The following PTPRD variants were observed in gnomAD, a reference collection of about 807,000 sequenced individuals.
PTPRD encodes the protein receptor-type tyrosine-protein phosphatase delta.
PTPRD carries 34 observed loss-of-function variants against 214.5 expected under a neutral mutation model. That is an observed-to-expected ratio of 0.16 (90% CI 0.12 to 0.21). The LOEUF (loss-of-function observed/expected upper bound fraction) is 0.21. Ranked by LOEUF, PTPRD falls within the 10% of genes least tolerant of loss-of-function variation. The pLI, the probability that PTPRD is intolerant of heterozygous loss-of-function variation, is 1.00. For synonymous variants in PTPRD, 1,128 were observed against 845.7 expected, an observed-to-expected ratio of 1.33 and a Z score of -5.79; for missense variants, 2,545 against 2,398.7, an observed-to-expected ratio of 1.06 and a Z score of -1.27.
intron 2 of PTPRD, among the ~76,000 whole-genome samples, chr9:10,389,111 C>A (rs2097995853): frequency 6.6e-6 from 1 of 151,788 alleles, no homozygotes. Flanking sequence ...AAAATTGCTC[C>A]TGTTATGTAA....
chr9:9,716,936 C>T (rs1016129758), intron 7 of PTPRD, among the ~76,000 whole-genome samples: 4 of 152,108 alleles, frequency 2.6e-5, no homozygotes, highest in African/African-American at 9.7e-5. Context: ...ATGCCTATGT[C>T]CTGAATGGTA....
At chr9:9,257,418 A>G (rs183696566) in intron 9 of PTPRD, among the ~76,000 whole-genome samples, 29 of 152,122 alleles carry the variant, frequency 1.9e-4, no homozygotes, top group Non-Finnish European at 2.5e-4. Flanking sequence ...GCTCTTAGTC[A>G]TCAAACTCAA....
At chr9:10,322,559 C>T (rs1366400602) in intron 3 of PTPRD, among the ~76,000 whole-genome samples, 1 of 151,980 alleles carries the variant, frequency 6.6e-6, no homozygotes, top group African/African-American at 2.4e-5. Context: ...CAATTTTCTC[C>T]CTCAAACCTT....
chr9:8,822,669 C>T (rs1424651787), intron 11 of PTPRD, among the ~76,000 whole-genome samples: 3 of 152,134 alleles, frequency 2.0e-5, no homozygotes, highest in Non-Finnish European at 4.4e-5. Flanking sequence ...CATTATACCT[C>T]ACAGCCTTCG....
At position 9,333,504 on chromosome 9, in the gene PTPRD, T is replaced by TTATATA. The variant is rs3048057; in HGVS notation, c.-203+63939_-203+63944dup. On this transcript the variant is annotated intron_variant, in intron 9 of 45. Transcript: ENST00000381196. ...TAAAACATATATATTATATAGTATA[T>TTATATA]TATATATATATATATATATATAAAG... Among the ~76,000 whole-genome samples, 200 of 137,232 alleles carry TTATATA rather than the reference T, an allele frequency of 1.5e-3. 1 individual carries two copies. The highest frequency in any genetic ancestry group is 0.011 in the Middle Eastern group (3 of 270). 90.0% of individuals were successfully genotyped at this position (137,232 alleles called of 152,430 possible).
At position 10,435,255 on chromosome 9, in the gene PTPRD, C is replaced by A. The variant is rs573721080; in HGVS notation, c.-599-94238G>T. ...TGCTAACAGTGCAAATGAACAGGAT[C>A]CAGCAGGAAATCCATATCTTCCAGA... On this transcript the variant is annotated intron_variant, in intron 2 of 45. Coordinates refer to ENST00000381196, the MANE Select transcript of PTPRD (RefSeq NM_002839.4). 3.3e-5 allele frequency among the ~76,000 whole-genome samples: 5 copies of A among 151,836 alleles called. No homozygotes were observed. The Admixed American group carries it at 3.3e-4, about 10-fold the overall frequency.
intron 7 of PTPRD, among the ~76,000 whole-genome samples, chr9:9,670,739 C>T (rs1013747087): frequency 2.6e-5 from 4 of 152,168 alleles, no homozygotes; most frequent in African/African-American, 9.6e-5. Flanking sequence ...CAAGCCTTGA[C>T]AGCTTCCACA....
intron 9 of PTPRD, among the ~76,000 whole-genome samples, chr9:9,240,488 T>G (rs2099969806): frequency 6.6e-6 from 1 of 152,100 alleles, no homozygotes; most frequent in South Asian, 2.1e-4. Flanking sequence ...CTGGCCAGCA[T>G]GGTGAAGCCC....
At chr9:10,432,290 G>A (rs2098687570) in intron 2 of PTPRD, among the ~76,000 whole-genome samples, 1 of 110,254 alleles carries the variant, frequency 9.1e-6, no homozygotes, top group African/African-American at 3.5e-5. Flanking sequence ...CTGTGGTGGG[G>A]TGGGGGGAGG....
intron 7 of PTPRD, among the ~76,000 whole-genome samples, chr9:9,580,458 T>A (rs550810109): frequency 6.6e-6 from 1 of 152,232 alleles, no homozygotes; most frequent in East Asian, 1.9e-4. Flanking sequence ...TGATGATTAG[T>A]AATGATGAGC....
chr9:10,105,070 T>C (rs2098610273), intron 3 of PTPRD, among the ~76,000 whole-genome samples: 1 of 151,898 alleles, frequency 6.6e-6, no homozygotes, highest in East Asian at 1.9e-4. Context: ...TTTCCTGAAC[T>C]AGCCTTTGTC....
At chr9:10,484,136 G>GT (rs1210119782) in intron 2 of PTPRD, among the ~76,000 whole-genome samples, 1 of 152,016 alleles carries the variant, frequency 6.6e-6, no homozygotes, top group Non-Finnish European at 1.5e-5. Flanking sequence ...ATAAAATAAT[G>GT]TATTTGCAGC....
At chr9:9,272,558 G>C (rs925826991) in intron 9 of PTPRD, among the ~76,000 whole-genome samples, 3 of 151,204 alleles carry the variant, frequency 2.0e-5, no homozygotes, top group Non-Finnish European at 4.4e-5. Context: ...GGGGGCGAAG[G>C]GCGGTCATCT....
rs1048930760 is a variant in PTPRD at position 8,589,694 on chromosome 9, G to A, written c.352+43623C>T. 3.9e-5 allele frequency among the ~76,000 whole-genome samples: 6 copies of A among 152,106 alleles called. No homozygotes were observed. The South Asian group carries it at 1.2e-3, about 32-fold the overall frequency. On this transcript the variant is annotated intron_variant, in intron 14 of 45. Coordinates refer to ENST00000381196, the MANE Select transcript of PTPRD (RefSeq NM_002839.4). Reference sequence around the variant, plus strand: ...CCTCTCCAGAAACCTGTCTTGGATAGTATCCTGGTACTTGGTTGCGTTGGC... The same window carrying A: ...CCTCTCCAGAAACCTGTCTTGGATAATATCCTGGTACTTGGTTGCGTTGGC...
chr9:9,743,463 G>A (rs2098424622), intron 6 of PTPRD, among the ~76,000 whole-genome samples: 1 of 151,880 alleles, frequency 6.6e-6, no homozygotes, highest in Admixed American at 6.6e-5. Context: ...TCCTATGAAG[G>A]CACCTAGGTC....
intron 14 of PTPRD, among the ~76,000 whole-genome samples, chr9:8,588,571 A>G (rs188194891): frequency 9.2e-5 from 14 of 152,346 alleles, no homozygotes; most frequent in Admixed American, 6.5e-4. Flanking sequence ...AAATCAATTT[A>G]TAACTACTAG....
intron 33 of PTPRD, among the ~76,000 whole-genome samples, chr9:8,455,961 A>G (rs774174584): frequency 7.9e-5 from 12 of 152,170 alleles, no homozygotes; most frequent in Non-Finnish European, 1.3e-4. Context: ...TGTGGTACAA[A>G]TATCTAAGTT....
chr9:9,792,797 A>C (rs1250671679), intron 5 of PTPRD, among the ~76,000 whole-genome samples: 1 of 152,180 alleles, frequency 6.6e-6, no homozygotes, highest in Non-Finnish European at 1.5e-5. Context: ...AATCTAAAGC[A>C]GCTGGGACAG....
intron 17 of PTPRD, among the ~76,000 whole-genome samples, chr9:8,525,960 C>T (rs919219533): frequency 9.9e-5 from 15 of 151,714 alleles, no homozygotes; most frequent in Middle Eastern, 3.4e-3. Flanking sequence ...TCCAAAAATC[C>T]GGAGACGAGT....
Sources: gnomAD v4.1 joint callset for allele counts (sites outside exome capture counted in the v4.1 genomes callset) on GRCh38, gnomAD v4.1.1 for gene constraint, MANE v1.5 for transcripts, NCBI Gene and HGNC (gene_info 2026-07-23, HGNC 2026-07-21) for gene names.